Variants in GPHN observed in about 807,000 individuals in gnomAD.
GPHN encodes the protein gephyrin.
Under a neutral mutation model 95.5 loss-of-function variants are expected in GPHN, and 17 were observed. The observed-to-expected ratio is 0.18, with a 90% confidence interval of 0.12 to 0.27. The LOEUF is 0.27. Among genes scored for constraint, GPHN ranks in the 10% least tolerant of loss-of-function variants. GPHN has a pLI of 1.00. For synonymous variants in GPHN, 320 were observed against 322.5 expected, an observed-to-expected ratio of 0.99 and a Z score of 0.08; for missense variants, 660 against 978.1, an observed-to-expected ratio of 0.67 and a Z score of 4.34.
chr14:67,292,451 A>G, the GPHN span: 1 of 1,142,090 alleles, frequency 8.8e-7, no homozygotes, highest in South Asian at 1.4e-5. Context: ...TTCTCTGAAA[A>G]TGCATGTTGA....
the GPHN span, among the ~76,000 whole-genome samples, chr14:67,507,925 G>T: frequency 1.3e-5 from 2 of 152,122 alleles, no homozygotes; most frequent in Admixed American, 1.3e-4. Context: ...GTTCACCTGA[G>T]GTTGGGAGTT....
At chr14:66,800,474 T>G (rs1327792129) in intron 3 of GPHN, among the ~76,000 whole-genome samples, 2 of 152,202 alleles carry the variant, frequency 1.3e-5, no homozygotes, top group Non-Finnish European at 2.9e-5. Flanking sequence ...AGATTTCTTC[T>G]TTCAGCACTA....
intron 10 of GPHN, among the ~76,000 whole-genome samples, chr14:67,046,658 ATTCT>A (rs2075035160): frequency 6.6e-6 from 1 of 152,186 alleles, no homozygotes; most frequent in African/African-American, 2.4e-5. Flanking sequence ...GTAAATAATA[ATTCT>A]TTCAGCTATG....
At chr14:67,440,803 T>C in the GPHN span, among the ~76,000 whole-genome samples, 1 of 151,778 alleles carries the variant, frequency 6.6e-6, no homozygotes, top group South Asian at 2.1e-4. Context: ...CTGATTCTAT[T>C]TCACCTCCAG....
intron 4 of GPHN, among the ~76,000 whole-genome samples, chr14:66,831,568 G>C (rs1437924582): frequency 6.6e-6 from 1 of 152,142 alleles, no homozygotes; most frequent in Non-Finnish European, 1.5e-5. Flanking sequence ...ATATGGTATA[G>C]TGGAAAAAGC....
At chr14:66,966,730 G>A (rs189332037) in intron 9 of GPHN, among the ~76,000 whole-genome samples, 151 of 152,022 alleles carry the variant, frequency 9.9e-4, no homozygotes, top group African/African-American at 3.5e-3. Context: ...TGAATATTAA[G>A]ACCTAAAAGT....
chr14:67,516,628 C>T, the GPHN span, among the ~76,000 whole-genome samples: 1 of 122,916 alleles, frequency 8.1e-6, no homozygotes, highest in East Asian at 2.6e-4. Flanking sequence ...GTGTCTTCCC[C>T]TAATTGTCTG....
the GPHN span, chr14:67,692,734 G>A: frequency 2.0e-6 from 2 of 1,018,382 alleles, no homozygotes; most frequent in Non-Finnish European, 2.9e-6. Flanking sequence ...TTAGCAAATA[G>A]GTAAAGAAAA....
intron 3 of GPHN, among the ~76,000 whole-genome samples, chr14:66,778,203 A>G (rs1367936180): frequency 6.6e-6 from 1 of 152,198 alleles, no homozygotes; most frequent in South Asian, 2.1e-4. Flanking sequence ...GAGCCAAATC[A>G]TGAGTGAACT....
At chr14:66,785,016 G>A (rs949179783) in intron 3 of GPHN, among the ~76,000 whole-genome samples, 1 of 152,140 alleles carries the variant, frequency 6.6e-6, no homozygotes, top group Admixed American at 6.5e-5. Flanking sequence ...TAGGTAGTAA[G>A]CAATAGGATA....
chr14:66,528,824 G>A (rs1241667975), intron 1 of GPHN, among the ~76,000 whole-genome samples: 2 of 152,122 alleles, frequency 1.3e-5, no homozygotes, highest in South Asian at 2.1e-4. Flanking sequence ...GATTTCTGCC[G>A]AGAGATCTGC....
chr14:66,928,950 G>A (rs781039616), intron 8 of GPHN, among the ~76,000 whole-genome samples: 3 of 151,618 alleles, frequency 2.0e-5, no homozygotes, highest in Admixed American at 6.6e-5. Flanking sequence ...AGAATGATTC[G>A]TGTGCTGAGG....
intron 2 of GPHN, among the ~76,000 whole-genome samples, chr14:66,691,296 T>C (rs2067763032): frequency 6.6e-6 from 1 of 152,100 alleles, no homozygotes; most frequent in Non-Finnish European, 1.5e-5. Flanking sequence ...GCGATTCTCC[T>C]GCCTCAGCCT....
At chr14:66,963,891 A>G (rs1336773556) in intron 8 of GPHN, among the ~76,000 whole-genome samples, 1 of 152,204 alleles carries the variant, frequency 6.6e-6, no homozygotes, top group East Asian at 1.9e-4. Flanking sequence ...GCATAATATT[A>G]GGAATACCTT....
Position 66,801,524 on chromosome 14 carries a change from C to CA in GPHN, c.202-22942dup, listed in dbSNP as rs199618102. Among the ~76,000 whole-genome samples the CA allele has an allele frequency of 1.6e-4, 24 of 151,704 alleles. No homozygotes were observed. The East Asian group carries it at 4.1e-3, about 26-fold the overall frequency. On this transcript the variant is annotated intron_variant, in intron 3 of 22. Coordinates refer to ENST00000478722, the MANE Select transcript of GPHN (RefSeq NM_020806.5). Reference sequence around the variant, plus strand: ...ATTGTTGTCCTCCCTTCCTTTCTCCCAAAAAAAATGAGTCTTCTCTCATTC... The same window carrying CA: ...ATTGTTGTCCTCCCTTCCTTTCTCCCAAAAAAAAATGAGTCTTCTCTCATTC...
At chr14:67,637,342 T>G in the GPHN span, among the ~76,000 whole-genome samples, 1 of 132,636 alleles carries the variant, frequency 7.5e-6, no homozygotes, top group Admixed American at 8.8e-5. Context: ...ACCAGGGAGG[T>G]GGAGGTTGCA....
intron 11 of GPHN, among the ~76,000 whole-genome samples, chr14:67,086,568 G>A (rs939486627): frequency 6.6e-6 from 1 of 150,484 alleles, no homozygotes; most frequent in African/African-American, 2.4e-5. Context: ...GGAGAATGGC[G>A]TGAACCCCAG....
intron 1 of GPHN, among the ~76,000 whole-genome samples, chr14:66,635,834 A>T (rs1289639505): frequency 6.6e-6 from 1 of 152,100 alleles, no homozygotes; most frequent in Non-Finnish European, 1.5e-5. Flanking sequence ...GTTTACTTAC[A>T]TTCTTAAGAA....
chr14:67,600,641 G>C, the GPHN span, among the ~76,000 whole-genome samples: 2 of 152,112 alleles, frequency 1.3e-5, no homozygotes, highest in Non-Finnish European at 2.9e-5. Context: ...ACGGAATGGC[G>C]CGACGTCGGC....
Sources: allele counts gnomAD v4.1 joint callset (sites outside exome capture counted in the v4.1 genomes callset), GRCh38; gene constraint gnomAD v4.1.1; transcripts MANE v1.5; gene names NCBI Gene and HGNC (gene_info 2026-07-23, HGNC 2026-07-21).